TSHZ2: variants seen among roughly 807,000 people sequenced by gnomAD.
TSHZ2 encodes the protein teashirt homolog 2.
In TSHZ2, 21 loss-of-function variants were observed where a neutral mutation model predicts 74.4. The observed-to-expected ratio is 0.28, with a 90% CI of 0.20 to 0.41. TSHZ2 has a LOEUF of 0.41. Among genes scored for constraint, TSHZ2 ranks in the 10% least tolerant of loss-of-function variants. The probability of loss-of-function intolerance (pLI) is 1.00; values close to 1 mark genes in which losing one functional copy is unlikely to be tolerated. For missense variants in TSHZ2, 1,244 were observed against 1,293.5 expected (o/e 0.96, Z 0.59); for synonymous variants, 540 against 515.3 (o/e 1.05, Z -0.65).
chr20:53,166,638 G>C (rs1313209958), intron 1 of TSHZ2, among the ~76,000 whole-genome samples: 4 of 152,096 alleles, frequency 2.6e-5, no homozygotes, highest in African/African-American at 7.2e-5. Context: ...AGGCATGGTG[G>C]CACATGCCTG....
At chr20:53,246,335 A>C (rs1990204141) in intron 1 of TSHZ2, among the ~76,000 whole-genome samples, 1 of 152,016 alleles carries the variant, frequency 6.6e-6, no homozygotes, top group African/African-American at 2.4e-5. Context: ...GAGCCACTGC[A>C]CCTGGTGCAC....
chr20:53,196,446 G>A (rs1988872652), intron 1 of TSHZ2: 1 of 127,554 alleles, frequency 7.8e-6, no homozygotes, highest in Non-Finnish European at 1.7e-5. Context: ...AATTAGCATG[G>A]CACCTCAGAT....
chr20:53,197,796 G>T (rs1251959567), intron 1 of TSHZ2, among the ~76,000 whole-genome samples: 1 of 152,132 alleles, frequency 6.6e-6, no homozygotes, highest in Admixed American at 6.5e-5. Context: ...ACCTTTAATT[G>T]GCTGTTCCTT....
chr20:52,993,880 C>G (rs76565977), intron 1 of TSHZ2, among the ~76,000 whole-genome samples: 6 of 152,156 alleles, frequency 3.9e-5, no homozygotes, highest in African/African-American at 9.7e-5. Context: ...AAAAGGCCAC[C>G]CTTGCCTTCC....
intron 1 of TSHZ2, among the ~76,000 whole-genome samples, chr20:53,005,422 T>C (rs772013107): frequency 5.9e-5 from 9 of 152,096 alleles, no homozygotes; most frequent in Admixed American, 1.3e-4. Context: ...CCATCTGAAC[T>C]CTTCCTGTTC....
intron 1 of TSHZ2, among the ~76,000 whole-genome samples, chr20:53,086,595 A>G (rs1187855953): frequency 1.3e-5 from 2 of 152,160 alleles, no homozygotes; most frequent in East Asian, 1.9e-4. Context: ...TATAGGGCAA[A>G]TAACAACCTC....
chr20:53,393,689 C>CAT (rs1321584083), intron 2 of TSHZ2, among the ~76,000 whole-genome samples: 4 of 151,760 alleles, frequency 2.6e-5, no homozygotes, highest in Non-Finnish European at 5.9e-5. Flanking sequence ...CACACACACA[C>CAT]ACAAATTGTA....
intron 2 of TSHZ2, among the ~76,000 whole-genome samples, chr20:53,430,626 T>G (rs1169504360): frequency 6.6e-6 from 1 of 151,664 alleles, no homozygotes; most frequent in African/African-American, 2.4e-5. Flanking sequence ...GCCCAGGAAT[T>G]CAAGATTAAC....
intron 1 of TSHZ2, among the ~76,000 whole-genome samples, chr20:52,985,136 C>T (rs552959590): frequency 6.8e-4 from 103 of 152,220 alleles, no homozygotes; most frequent in African/African-American, 2.2e-3. Context: ...TCTCCACCCC[C>T]ATTAGACAAC....
chr20:53,327,541 G>A (rs966283557), intron 2 of TSHZ2, among the ~76,000 whole-genome samples: 5 of 152,272 alleles, frequency 3.3e-5, no homozygotes, highest in African/African-American at 1.2e-4. Flanking sequence ...AGTGCTTCCT[G>A]GAAGACCTTC....
chr20:53,156,269 A>G (rs965953922), intron 1 of TSHZ2, among the ~76,000 whole-genome samples: 2 of 152,246 alleles, frequency 1.3e-5, no homozygotes, highest in African/African-American at 4.8e-5. Context: ...GCAAAATTTA[A>G]GAAAACATAT....
intron 2 of TSHZ2, among the ~76,000 whole-genome samples, chr20:53,371,738 T>C (rs904456968): frequency 5.3e-5 from 8 of 151,748 alleles, no homozygotes; most frequent in Non-Finnish European, 8.8e-5. Context: ...TAGCGGGGCA[T>C]GGTGGCACAT....
chr20:53,420,599 G>A (rs558442015), intron 2 of TSHZ2, among the ~76,000 whole-genome samples: 7 of 152,128 alleles, frequency 4.6e-5, no homozygotes, highest in Admixed American at 3.9e-4. Flanking sequence ...AGTGGCGGGC[G>A]CCTGTAGTCC....
At chr20:53,313,869 A>C (rs182289275) in intron 2 of TSHZ2, among the ~76,000 whole-genome samples, 2 of 152,344 alleles carry the variant, frequency 1.3e-5, no homozygotes, top group South Asian at 2.1e-4. Flanking sequence ...GTGCTTAAAC[A>C]TAGAGATCGT....
chr20:52,992,195 A>T (rs1008772945), intron 1 of TSHZ2, among the ~76,000 whole-genome samples: 1 of 152,178 alleles, frequency 6.6e-6, no homozygotes, highest in South Asian at 2.1e-4. Flanking sequence ...CATCTTAGGA[A>T]TTGTGGGAAC....
chr20:53,469,043 T>TCATATATA (rs1568931491), intron 2 of TSHZ2, among the ~76,000 whole-genome samples: 1 of 13,694 alleles, frequency 7.3e-5, no homozygotes. Context: ...GAAATCGATA[T>TCATATATA]TTTATATATA....
At chr20:53,328,485 A>T (rs141930768) in intron 2 of TSHZ2, among the ~76,000 whole-genome samples, 43 of 152,330 alleles carry the variant, frequency 2.8e-4, no homozygotes, top group African/African-American at 1.0e-3. Flanking sequence ...TGCAATGCTG[A>T]TCAGAAACAG....
intron 1 of TSHZ2, among the ~76,000 whole-genome samples, chr20:53,221,981 A>G (rs1049428449): frequency 2.0e-4 from 31 of 152,374 alleles, no homozygotes; most frequent in Middle Eastern, 3.4e-3. Flanking sequence ...CGAAATAAGA[A>G]ACTGACCAGG....
At chr20:53,243,502 T>C (rs1351689499) in intron 1 of TSHZ2, among the ~76,000 whole-genome samples, 2 of 152,128 alleles carry the variant, frequency 1.3e-5, no homozygotes, top group African/African-American at 4.8e-5. Context: ...AACTCCTAAG[T>C]GTGAGGAATG....
Sources: gnomAD v4.1 joint callset for allele counts (sites outside exome capture counted in the v4.1 genomes callset) on GRCh38, gnomAD v4.1.1 for gene constraint, MANE v1.5 for transcripts, NCBI Gene and HGNC (gene_info 2026-07-23, HGNC 2026-07-21) for gene names.